IL1RAPL1: variants seen among roughly 807,000 people sequenced by gnomAD.
IL1RAPL1 encodes the protein interleukin 1 receptor accessory protein like 1.
Under a neutral mutation model 48.4 loss-of-function variants are expected in IL1RAPL1, and 3 were observed. That is an observed-to-expected ratio of 0.06 (90% CI 0.03 to 0.16). IL1RAPL1 has a LOEUF of 0.16. Among genes scored for constraint, IL1RAPL1 ranks in the 10% least tolerant of loss-of-function variants. The pLI is 1.00. For missense variants in IL1RAPL1, 349 were observed against 530.6 expected, an observed-to-expected ratio of 0.66 and a Z score of 3.36; for synonymous variants, 185 against 187.7, an observed-to-expected ratio of 0.99 and a Z score of 0.12.
At chrX:29,334,886 G>A (rs757943834) in intron 3 of IL1RAPL1, among the ~76,000 whole-genome samples, 1 of 113,002 alleles carries the variant, frequency 8.8e-6, no homozygotes, top group South Asian at 3.6e-4. Flanking sequence ...CGGCTGGGCA[G>A]AGGCTGCAAT....
At chrX:29,701,817 A>T (rs2147115859) in intron 6 of IL1RAPL1, among the ~76,000 whole-genome samples, 1 of 111,251 alleles carries the variant, frequency 9.0e-6, no homozygotes, top group Non-Finnish European at 1.9e-5. Context: ...GAACAAGGGG[A>T]AGAGAGAGAA....
chrX:28,812,651 T>A (rs2147276652), intron 2 of IL1RAPL1, among the ~76,000 whole-genome samples: 1 of 111,309 alleles, frequency 9.0e-6, no homozygotes, highest in East Asian at 2.8e-4. Context: ...GCTAATATAG[T>A]TTAATATATA....
At chrX:29,816,788 A>G (rs938160693) in intron 6 of IL1RAPL1, among the ~76,000 whole-genome samples, 5 of 110,141 alleles carry the variant, frequency 4.5e-5, no homozygotes, top group Non-Finnish European at 9.5e-5. Flanking sequence ...CCCCACTGAA[A>G]TTTGCTTCTA....
Position 28,801,567 on chromosome X carries a change from C to T in IL1RAPL1, c.82+12142C>T, listed in dbSNP as rs370682623. 9.7e-4 allele frequency among the ~76,000 whole-genome samples: 109 copies of T among 111,841 alleles called. 7 individuals carry two copies. Among genetic ancestry groups the T allele is most frequent in the Non-Finnish European group, 9.4e-5 (5 of 53,167 alleles). Reference sequence around the variant, plus strand: ...TCTACAGACAGCTAATATTTACACTCCAACTTTCATTCACAGTGATGATCA... The same window carrying T: ...TCTACAGACAGCTAATATTTACACTTCAACTTTCATTCACAGTGATGATCA... On this transcript the variant is annotated intron_variant, in intron 2 of 10. Coordinates refer to ENST00000378993, the MANE Select transcript of IL1RAPL1 (RefSeq NM_014271.4).
At chrX:29,015,014 G>C (rs1402980769) in intron 2 of IL1RAPL1, among the ~76,000 whole-genome samples, 1 of 110,944 alleles carries the variant, frequency 9.0e-6, no homozygotes, top group Non-Finnish European at 1.9e-5. Flanking sequence ...ACTCATGTGG[G>C]AATAGGGAGA....
chrX:29,270,792 A>G (rs1249865622), intron 2 of IL1RAPL1, among the ~76,000 whole-genome samples: 1 of 111,931 alleles, frequency 8.9e-6, no homozygotes, highest in East Asian at 2.8e-4. Flanking sequence ...GAATTTTAGA[A>G]TTAGTATGCC....
intron 3 of IL1RAPL1, among the ~76,000 whole-genome samples, chrX:29,393,164 C>A (rs761701267): frequency 8.4e-4 from 55 of 65,852 alleles, no homozygotes; most frequent in Non-Finnish European, 1.7e-3. Flanking sequence ...CTCGCTCTGT[C>A]GCCCAGGCTT....
chrX:28,794,428 T>C (rs1372996087), intron 2 of IL1RAPL1, among the ~76,000 whole-genome samples: 1 of 112,065 alleles, frequency 8.9e-6, no homozygotes, highest in Non-Finnish European at 1.9e-5. Context: ...TGATTACTAA[T>C]ACAGGATAAA....
chrX:29,837,179 C>T (rs1931026549), intron 6 of IL1RAPL1, among the ~76,000 whole-genome samples: 1 of 102,390 alleles, frequency 9.8e-6, no homozygotes, highest in African/African-American at 3.6e-5. Flanking sequence ...GGAAGAATCG[C>T]GTGAACCCGG....
At chrX:28,663,001 A>G (rs1380504379) in intron 1 of IL1RAPL1, among the ~76,000 whole-genome samples, 1 of 111,454 alleles carries the variant, frequency 9.0e-6, no homozygotes, top group East Asian at 2.8e-4. Flanking sequence ...ACTGTATGAA[A>G]ATACCTCCAA....
intron 1 of IL1RAPL1, among the ~76,000 whole-genome samples, chrX:28,679,328 G>A (rs1211851888): frequency 9.0e-6 from 1 of 111,494 alleles, no homozygotes; most frequent in African/African-American, 3.3e-5. Context: ...ATTATTGTAT[G>A]AGTTCCTCAT....
In IL1RAPL1 at chrX:29,283,020, C is replaced by T. The variant is rs756536212; in HGVS notation, c.165C>T (p.Leu55=). 1 of 1,210,873 alleles carries T rather than the reference C, an allele frequency of 8.3e-7. No individual in the cohort carries two copies. Among genetic ancestry groups the T allele is most frequent in the East Asian group, 3.0e-5 (1 of 33,839 alleles). Residue 55 remains leucine, a synonymous_variant, in exon 3 of 11, where the codon CTC becomes CTT. Transcript: ENST00000378993. ...VGEPVRIKCA[L]FYGYIRTNYS... Reference sequence around the variant, plus strand: ...AGCCTGTTCGAATCAAATGTGCACTCTTTTATGGTTATATCAGAACAAATT... The same window carrying T: ...AGCCTGTTCGAATCAAATGTGCACTTTTTTATGGTTATATCAGAACAAATT...
At chrX:28,904,625 G>A (rs1213407080) in intron 2 of IL1RAPL1, among the ~76,000 whole-genome samples, 2 of 111,663 alleles carry the variant, frequency 1.8e-5, no homozygotes, top group East Asian at 5.6e-4. Context: ...CATAAAATGG[G>A]GGCATTTGTT....
At chrX:29,692,001 T>C (rs142447926) in intron 6 of IL1RAPL1, among the ~76,000 whole-genome samples, 1,263 of 112,589 alleles carry the variant, frequency 0.011, 14 homozygotes, top group African/African-American at 0.038. Flanking sequence ...GTGTGTTTTG[T>C]ATTTCATTTA....
At chrX:29,292,134 C>G (rs147501272) in intron 3 of IL1RAPL1, among the ~76,000 whole-genome samples, 2 of 111,944 alleles carry the variant, frequency 1.8e-5, no homozygotes, top group East Asian at 5.6e-4. Flanking sequence ...ATTTATTGAA[C>G]AAAATAATGA....
At chrX:28,768,729 G>GTCTCTC (rs1203182036) in intron 1 of IL1RAPL1, among the ~76,000 whole-genome samples, 3 of 50,722 alleles carry the variant, frequency 5.9e-5, no homozygotes, top group African/African-American at 1.6e-4. Flanking sequence ...CTCTCTCTCT[G>GTCTCTC]TCTCTCTCTC....
At chrX:28,923,420 C>T (rs373932775) in intron 2 of IL1RAPL1, among the ~76,000 whole-genome samples, 1 of 109,246 alleles carries the variant, frequency 9.2e-6, no homozygotes, top group East Asian at 2.8e-4. Context: ...GGTAATCCAC[C>T]CACCTCAGCC....
intron 5 of IL1RAPL1, among the ~76,000 whole-genome samples, chrX:29,463,332 A>G (rs1319843168): frequency 2.7e-5 from 3 of 111,850 alleles, no homozygotes; most frequent in Non-Finnish European, 5.6e-5. Flanking sequence ...CAGAAAAGAA[A>G]TGACTTTCGA....
At chrX:29,627,373 C>G (rs748959989) in intron 5 of IL1RAPL1, among the ~76,000 whole-genome samples, 4 of 112,236 alleles carry the variant, frequency 3.6e-5, no homozygotes, top group Non-Finnish European at 7.5e-5. Flanking sequence ...GTTGGAAAAG[C>G]ATTGTTTCTG....
Sources: allele counts gnomAD v4.1 joint callset (sites outside exome capture counted in the v4.1 genomes callset), GRCh38; gene constraint gnomAD v4.1.1; transcripts MANE v1.5; gene names NCBI Gene and HGNC (gene_info 2026-07-23, HGNC 2026-07-21).